The following SNX20 variants were observed in gnomAD, a reference collection of about 807,000 sequenced individuals.
SNX20 encodes sorting nexin 20.
Under a neutral mutation model 24.5 loss-of-function variants are expected in SNX20, and 21 were observed. That is an observed-to-expected ratio of 0.86 (90% CI 0.61 to 1.23). The LOEUF (loss-of-function observed/expected upper bound fraction) is 1.23. Ranked by LOEUF, SNX20 falls within the 50% of genes most tolerant of loss-of-function variation. The probability of loss-of-function intolerance (pLI) is 0.00; values close to 1 mark genes in which losing one functional copy is unlikely to be tolerated. For synonymous variants in SNX20, 206 were observed against 192.8 expected (o/e 1.07, Z -0.57); for missense variants, 433 against 430.8 (o/e 1.00, Z -0.04).
At chr16:50,677,291 C>T (rs1401456895) in intron 2 of SNX20, 106 bp downstream of exon 2, 2 of 1,394,340 alleles carry the variant, frequency 1.4e-6, no homozygotes, top group Non-Finnish European at 1.9e-6. Flanking sequence ...ACCCAAGTTA[C>T]AAGAGCTGCC....
chr16:50,677,505 C>T lies in SNX20; in HGVS notation c.22G>A (p.Gly8Arg). MASPEHPGSPGCMGPITQ... is the reference protein window; with the variant it reads MASPEHPRSPGCMGPITQ... ...ATGGGTCCCATGCAGCCAGGGCTCC[C>T]AGGGTGCTCTGGACTTGCCATGCTC... is the stretch of plus-strand genomic sequence containing the variant. Residue 8 changes from glycine to arginine, a missense_variant, in exon 2 of 4, where the codon GGG becomes AGG. Gly to Arg is a moderately radical substitution (Grantham distance 125, BLOSUM62 -2). Transcript: ENST00000330943. 1 of 1,599,968 alleles carries T rather than the reference C, an allele frequency of 6.3e-7. No individual in the cohort carries two copies. The highest frequency in any genetic ancestry group is 1.3e-5 in the African/African-American group (1 of 74,260).
rs771671749 is a variant in SNX20 at position 50,673,791 on chromosome 16, A to C, written c.566T>G (p.Leu189Arg). 1.9e-6 allele frequency: 3 copies of C among 1,572,440 alleles called. No individual in the cohort carries two copies. In the African/African-American group the frequency reaches 4.1e-5, roughly 21 times the overall value. The change falls in exon 4 of 4, where the codon CTG becomes CGG. Residue 189 changes from leucine to arginine, a missense_variant. Transcript: ENST00000330943. This position sits in a 1 kb window ranked among gnomAD's most constrained non-coding sequence, Gnocchi z 4.1. ...EFLDFLTRPE[L>R]REAFGCLRAG... is the part of the protein sequence containing the mutation. ...CCGCAGGCAGCCGAAAGCCTCGCGCAGCTCCGGCCGCGTGAGGAAGTCCAG... is the reference window on the plus strand; with the variant it reads ...CCGCAGGCAGCCGAAAGCCTCGCGCCGCTCCGGCCGCGTGAGGAAGTCCAG...
At position 50,673,689 on chromosome 16, in the gene SNX20, G is replaced by T; in HGVS notation, c.668C>A (p.Pro223His). The change falls in exon 4 of 4, where the codon CCT (proline) becomes CAT (histidine). Residue 223 changes from proline (P) to histidine (H), a missense_variant. Transcript: ENST00000330943. The surrounding 1 kb of genome is among the most constrained non-coding windows in gnomAD (Gnocchi z 4.1). The part of the protein sequence containing the change: ...PLQEKLTAHC[P>H]AAAVPALCAV... ...GCACAGGGCCGGGACGGCGGCCGCA[G>T]GGCAGTGGGCGGTGAGCTTCTCCTG... The T allele has an allele frequency of 6.7e-7, 1 of 1,496,602 alleles. No individual in the cohort carries two copies. Among genetic ancestry groups the T allele is most frequent in the Admixed American group, 2.3e-5 (1 of 43,854 alleles). The allele number at this position is 1,496,602 out of a possible 1,614,324, so 92.7% of individuals were successfully genotyped here. A position where few individuals can be genotyped will look rare whatever the true frequency, so the allele number is the denominator to read the frequency against.
In SNX20 at chr16:50,673,922, C is replaced by T; in HGVS notation, c.435G>A (p.Leu145=). The T allele has an allele frequency of 6.2e-7, 1 of 1,612,352 alleles. No homozygotes were observed. The highest frequency in any genetic ancestry group is 8.5e-7 in the Non-Finnish European group (1 of 1,179,672). The change falls in exon 4 of 4, where the codon CTG becomes CTA. Residue 145 remains leucine (L), a synonymous_variant. Transcript: ENST00000330943. The surrounding 1 kb of genome is among the most constrained non-coding windows in gnomAD (Gnocchi z 4.1). The part of the protein sequence containing the change: ...IEDVEFPRKH[L]TGNFAEEMIC... ...TCATCTCCTCAGCGAAGTTCCCAGT[C>T]AGGTGCTTCCTGGGAAACTCCACGT...
downstream of SNX20, chr16:50,668,259 A>G: frequency 1.4e-6 from 2 of 1,421,994 alleles, no homozygotes; most frequent in Non-Finnish European, 1.8e-6. Flanking sequence ...CTCCTTTTGC[A>G]GGACAACATT....
intron 1 of SNX20, among the ~76,000 whole-genome samples, chr16:50,678,327 C>G (rs1003235147): frequency 6.6e-6 from 1 of 152,180 alleles, no homozygotes. Flanking sequence ...CACTTCATAC[C>G]CATCTAGGTT....
At chr16:50,678,923 G>A (rs956720196) in intron 1 of SNX20, among the ~76,000 whole-genome samples, 2 of 152,212 alleles carry the variant, frequency 1.3e-5, no homozygotes, top group Non-Finnish European at 2.9e-5. Flanking sequence ...CCCGCTTTTA[G>A]TGTCTGTTAA....
At chr16:50,671,537 T>G (rs1963050991), downstream of SNX20, 1 of 152,226 alleles carries the variant, frequency 6.6e-6, no homozygotes, top group Non-Finnish European at 1.5e-5. Context: ...CTGTCCATGT[T>G]GGGTATTTTT....
At chr16:50,681,025 C>G (rs547328644) in intron 1 of SNX20, among the ~76,000 whole-genome samples, 165 bp downstream of exon 1, 1 of 152,352 alleles carries the variant, frequency 6.6e-6, no homozygotes, top group South Asian at 2.1e-4. Context: ...CAGGAGCTGT[C>G]CCTTCCTCTG....
At chr16:50,680,299 T>G (rs1327340573) in intron 1 of SNX20, among the ~76,000 whole-genome samples, 1 of 152,096 alleles carries the variant, frequency 6.6e-6, no homozygotes, top group Non-Finnish European at 1.5e-5. Flanking sequence ...GCCCTTTCCT[T>G]CCCTCTCCTC....
downstream of SNX20, chr16:50,670,164 T>A (rs967536397): frequency 6.6e-6 from 1 of 152,262 alleles, no homozygotes; most frequent in Non-Finnish European, 1.5e-5. Context: ...GGTAGTCCCA[T>A]CTGCAGTCCC....
rs1235503859 is a variant in SNX20 at position 50,674,527 on chromosome 16, C to A, written c.283-453G>T. 2.6e-5 allele frequency among the ~76,000 whole-genome samples: 4 copies of A among 152,158 alleles called. No homozygotes were observed. The East Asian group carries it at 7.7e-4, about 29-fold the overall frequency. The stretch of plus-strand genomic sequence containing the variant: ...CCTCCCAAAGTGCTGGGATTACAGG[C>A]ATGAGCCACTGCACCTGGCCCAATT... On this transcript the variant is annotated intron_variant, in intron 3 of 3. Coordinates refer to ENST00000330943, the MANE Select transcript of SNX20 (RefSeq NM_182854.4).
At position 50,674,093 on chromosome 16, in the gene SNX20, G is replaced by C. The variant is rs972126621; in HGVS notation, c.283-19C>G. 1.9e-6 allele frequency: 3 copies of C among 1,570,046 alleles called. No homozygotes were observed. The African/African-American group carries it at 4.1e-5, about 22-fold the overall frequency. On this transcript the variant is annotated intron_variant, in intron 3 of 3. Coordinates refer to ENST00000330943, the MANE Select transcript of SNX20 (RefSeq NM_182854.4). ...GGTACACCTAGGGCGCAACCAGAGA[G>C]AGCTGTGGCCACCTCCCGGCGGGGG... is the stretch of plus-strand genomic sequence containing the variant.
chr16:50,669,853 C>G (rs1963001762), downstream of SNX20: 1 of 152,186 alleles, frequency 6.6e-6, no homozygotes, highest in South Asian at 2.1e-4. Flanking sequence ...ACGGTGCTAT[C>G]AATGGCCCGG....
downstream of SNX20, chr16:50,667,779 C>G (rs1962948041): frequency 1.7e-6 from 1 of 587,180 alleles, no homozygotes; most frequent in East Asian, 2.8e-5. Context: ...CCATGCTATG[C>G]TGAGGGGCCA....
In SNX20 at chr16:50,673,963, T is replaced by C. The variant is rs191649431; in HGVS notation, c.394A>G (p.Arg132Gly). The C allele has an allele frequency of 1.2e-6, 2 of 1,613,334 alleles. No homozygotes were observed. The highest frequency in any genetic ancestry group is 8.5e-7 in the Non-Finnish European group (1 of 1,179,742). Reference protein sequence around the residue: ...KLQKALLKTFREEIEDVEFPR... With the variant: ...KLQKALLKTFGEEIEDVEFPR... ...AACTCCACGTCTTCGATCTCCTCCCTGAACGTCTTCAGCAGCGCTTTCTGG... is the reference window on the plus strand; with the variant it reads ...AACTCCACGTCTTCGATCTCCTCCCCGAACGTCTTCAGCAGCGCTTTCTGG... Residue 132 changes from arginine to glycine, a missense_variant, in exon 4 of 4, where the codon AGG becomes GGG. By Grantham distance (125) the Arg-to-Gly change is moderately radical. Coordinates refer to ENST00000330943, the MANE Select transcript of SNX20 (RefSeq NM_182854.4). The surrounding 1 kb of genome is among the most constrained non-coding windows in gnomAD (Gnocchi z 4.1).
chr16:50,673,939 A>G lies in SNX20; in HGVS notation c.418T>C (p.Phe140Leu). ...TFREEIEDVEFPRKHLTGNFA... is the reference protein window; with the variant it reads ...TFREEIEDVELPRKHLTGNFA... Reference sequence around the variant, plus strand: ...TTCCCAGTCAGGTGCTTCCTGGGAAACTCCACGTCTTCGATCTCCTCCCTG... The same window carrying G: ...TTCCCAGTCAGGTGCTTCCTGGGAAGCTCCACGTCTTCGATCTCCTCCCTG... Residue 140 changes from phenylalanine to leucine, a missense_variant, in exon 4 of 4, where the codon TTT becomes CTT. Coordinates refer to ENST00000330943, the MANE Select transcript of SNX20 (RefSeq NM_182854.4). This position sits in a 1 kb window ranked among gnomAD's most constrained non-coding sequence, Gnocchi z 4.1. 6.2e-7 allele frequency: 1 copy of G among 1,612,728 alleles called. No homozygotes were observed. Among genetic ancestry groups the G allele is most frequent in the Non-Finnish European group, 8.5e-7 (1 of 1,179,608 alleles).
downstream of SNX20, chr16:50,667,989 G>A (rs753027966): frequency 2.3e-5 from 36 of 1,549,574 alleles, no homozygotes; most frequent in Middle Eastern, 1.7e-4. Flanking sequence ...AGCCCAGAAC[G>A]CTCGCTCCAT....
At chr16:50,671,442 A>T (rs1429015227), downstream of SNX20, 2 of 152,190 alleles carry the variant, frequency 1.3e-5, no homozygotes, top group East Asian at 3.9e-4. Flanking sequence ...CCCCTCCTGT[A>T]CAACAGGCTT....
Sources: allele counts gnomAD v4.1 joint callset (sites outside exome capture counted in the v4.1 genomes callset), GRCh38; gene constraint gnomAD v4.1.1; non-coding constraint Gnocchi (gnomAD v3.1); transcripts MANE v1.5; gene names NCBI Gene and HGNC (gene_info 2026-07-23, HGNC 2026-07-21).